ITGB3: variants seen among roughly 807,000 people sequenced by gnomAD.
The protein encoded by ITGB3 is integrin beta-3.
In ITGB3, 48 loss-of-function variants were observed where a neutral mutation model predicts 85.8. The ratio of observed to expected loss-of-function variants is 0.56; its 90% confidence interval spans 0.44 to 0.71. The LOEUF (loss-of-function observed/expected upper bound fraction) is 0.71. ITGB3 is among the 30% of genes least tolerant of loss of function. The probability of loss-of-function intolerance (pLI) is 0.00; values close to 1 mark genes in which losing one functional copy is unlikely to be tolerated. For synonymous variants in ITGB3, 363 were observed against 395.6 expected, an observed-to-expected ratio of 0.92 and a Z score of 0.98; for missense variants, 861 against 1,019.1, an observed-to-expected ratio of 0.84 and a Z score of 2.11.
intron 6 of ITGB3, among the ~76,000 whole-genome samples, chr17:47,289,013 C>T (rs2065115025): frequency 6.6e-6 from 1 of 152,124 alleles, no homozygotes; most frequent in Non-Finnish European, 1.5e-5. Flanking sequence ...AAGAAGGCCA[C>T]TCCAGGTGGG....
chr17:47,287,096 A>G lies in ITGB3; in HGVS notation c.804A>G (p.Ala268=). The change falls in exon 6 of 15, where the codon GCA becomes GCG. Residue 268 remains alanine, a synonymous_variant. Transcript: ENST00000559488. ...AAAAGATTGGCTGGAGGAATGATGC[A>G]TCCCACTTGCTGGTGTTTACCACTG... ...CDEKIGWRND[A]SHLLVFTTDA... The G allele has an allele frequency of 6.2e-7, 1 of 1,614,106 alleles. No individual in the cohort carries two copies. Among genetic ancestry groups the G allele is most frequent in the South Asian group, 1.1e-5 (1 of 91,084 alleles).
In ITGB3 at chr17:47,286,359, G is replaced by A; in HGVS notation, c.714G>A (p.Val238=). The A allele has an allele frequency of 6.2e-7, 1 of 1,614,250 alleles. No homozygotes were observed. The stretch of plus-strand genomic sequence containing the variant: ...ATGAGGAAGTGAAGAAGCAGAGTGT[G>A]TCACGGAACCGAGATGCCCCAGAGG... The part of the protein sequence containing the change: ...RFNEEVKKQS[V]SRNRDAPEGG... Residue 238 remains valine, a synonymous_variant, in exon 5 of 15, where the codon GTG becomes GTA. Coordinates refer to ENST00000559488, the MANE Select transcript of ITGB3 (RefSeq NM_000212.3).
At chr17:47,271,136 T>C (rs552511061) in intron 1 of ITGB3, among the ~76,000 whole-genome samples, 25 of 152,152 alleles carry the variant, frequency 1.6e-4, no homozygotes, top group Non-Finnish European at 3.1e-4. Context: ...ACATAAATTA[T>C]TATGATGTGG....
At position 47,302,777 on chromosome 17, in the gene ITGB3, G is replaced by A. The variant is rs534325095; in HGVS notation, c.2071G>A (p.Val691Ile). Residue 691 changes from valine (V) to isoleucine (I), a missense_variant, in exon 13 of 15, where the codon GTC becomes ATC. Coordinates refer to ENST00000559488, the MANE Select transcript of ITGB3 (RefSeq NM_000212.3). ...CTATAAGAATGAGGATGACTGTGTC[G>A]TCAGATTCCAGTACTATGAAGATTC... ...CTYKNEDDCV[V>I]RFQYYEDSSG... 42 of 1,614,004 alleles carry A rather than the reference G, an allele frequency of 2.6e-5. 1 individual carries two copies. The highest frequency in any genetic ancestry group is 1.3e-4 in the East Asian group (6 of 44,880).
intron 12 of ITGB3, among the ~76,000 whole-genome samples, chr17:47,301,798 A>T (rs1259336729): frequency 6.6e-6 from 1 of 152,178 alleles, no homozygotes; most frequent in Non-Finnish European, 1.5e-5. Context: ...TACTATTCTC[A>T]TCTTCATTTT....
chr17:47,296,358 G>A (rs553882067), intron 10 of ITGB3, among the ~76,000 whole-genome samples: 12 of 152,008 alleles, frequency 7.9e-5, no homozygotes, highest in Non-Finnish European at 1.5e-4. Context: ...CTTAGTCTCC[G>A]AAGTAGCTAG....
At chr17:47,267,944 C>T (rs984994261) in intron 1 of ITGB3, among the ~76,000 whole-genome samples, 2 of 152,182 alleles carry the variant, frequency 1.3e-5, no homozygotes, top group African/African-American at 2.4e-5. Context: ...TTAATTGACT[C>T]ACAGTTCAAC....
chr17:47,283,270 A>C, intron 2 of ITGB3, 84 bp from the exon 3 acceptor site: 1 of 1,296,384 alleles, frequency 7.7e-7, no homozygotes, highest in Non-Finnish European at 1.1e-6. Flanking sequence ...ACTCTTAGCT[A>C]TTGGGAAGTG....
In ITGB3 at chr17:47,308,187, T is replaced by A. The variant is rs901395139; in HGVS notation, c.2301+550T>A. Among the ~76,000 whole-genome samples, 16 of 148,056 alleles carry A rather than the reference T, an allele frequency of 1.1e-4. No homozygotes were observed. The South Asian group carries it at 1.3e-3, about 12-fold the overall frequency. On this transcript the variant is annotated intron_variant, in intron 14 of 14. Coordinates refer to ENST00000559488, the MANE Select transcript of ITGB3 (RefSeq NM_000212.3). ...ATAATAATAATAATAATAATAATAA[T>A]AAAATAAAATAAAAGGTTACTTCCA...
Position 47,298,954 on chromosome 17 carries a change from T to G in ITGB3, c.1691-354T>G, listed in dbSNP as rs556385816. 5.1e-4 allele frequency among the ~76,000 whole-genome samples: 78 copies of G among 152,326 alleles called. 1 individual carries two copies. In the Middle Eastern group the frequency reaches 0.014, roughly 27 times the overall value. On this transcript the variant is annotated intron_variant, in intron 10 of 14. Coordinates refer to ENST00000559488, the MANE Select transcript of ITGB3 (RefSeq NM_000212.3). ...GGGCTAAAGAGCTTGCTTCTAGTTC[T>G]TAGACTAGAAGGAACTAAGTCTTCT...
At chr17:47,287,979 C>T (rs2065109713) in intron 6 of ITGB3, among the ~76,000 whole-genome samples, 2 of 125,678 alleles carry the variant, frequency 1.6e-5, no homozygotes, top group Non-Finnish European at 3.1e-5. Flanking sequence ...AGCTGGAGTG[C>T]AGTAGTGCAA....
In ITGB3 at chr17:47,312,253, A is replaced by C. The variant is rs2065218255; in HGVS notation, c.*2049A>C. 6.6e-6 allele frequency among the ~76,000 whole-genome samples: 1 copy of C among 152,242 alleles called. No individual in the cohort carries two copies. Among genetic ancestry groups the C allele is most frequent in the Non-Finnish European group, 1.5e-5 (1 of 68,046 alleles). ...TTGCATCCACATATTAGGGAAGAGGAATCCATAAGTAGCTGAAATATCTAT... is the reference window on the plus strand; with the variant it reads ...TTGCATCCACATATTAGGGAAGAGGCATCCATAAGTAGCTGAAATATCTAT... On this transcript the variant is annotated 3_prime_UTR_variant, in exon 15 of 15. Coordinates refer to ENST00000559488, the MANE Select transcript of ITGB3 (RefSeq NM_000212.3).
At chr17:47,286,202 T>TC in intron 4 of ITGB3, 58 bp from the exon 5 acceptor site, 1 of 1,596,530 alleles carries the variant, frequency 6.3e-7, no homozygotes, top group Non-Finnish European at 8.6e-7. Context: ...TCCTCCCAAT[T>TC]CCCATGCTGC....
chr17:47,302,911 C>A lies in ITGB3; in HGVS notation c.2134+71C>A, dbSNP rs1347163745. 3 of 1,579,826 alleles carry A rather than the reference C, an allele frequency of 1.9e-6. No homozygotes were observed. The African/African-American group carries it at 4.0e-5, about 21-fold the overall frequency. ...GGAGAACCATGTTAGGCAGGAATCT[C>A]TACTCATCGAAGCTGTTAAGCAAAA... On this transcript the variant is annotated intron_variant, in intron 13 of 14. Transcript: ENST00000559488.
intron 13 of ITGB3, chr17:47,305,591 T>C (rs1188915329): frequency 2.0e-5 from 3 of 152,232 alleles, no homozygotes; most frequent in African/African-American, 7.2e-5. Context: ...GACATGCCTC[T>C]GTTTTAGTTG....
chr17:47,254,406 G>C (rs966990940), intron 1 of ITGB3, among the ~76,000 whole-genome samples: 1 of 152,224 alleles, frequency 6.6e-6, no homozygotes, highest in Non-Finnish European at 1.5e-5. Context: ...GCGCGGGTTT[G>C]CCAGTTTCCC....
At chr17:47,254,141 T>C (rs1437775165) in intron 1 of ITGB3, among the ~76,000 whole-genome samples, 1 of 151,946 alleles carries the variant, frequency 6.6e-6, no homozygotes. Flanking sequence ...AGGTGCCTGG[T>C]GCCTGGGAGC....
At chr17:47,274,078 A>G (rs944470214) in intron 1 of ITGB3, among the ~76,000 whole-genome samples, 28 of 152,066 alleles carry the variant, frequency 1.8e-4, no homozygotes, top group African/African-American at 6.5e-4. Context: ...CCCCGGAGAT[A>G]TTTTCATTTG....
chr17:47,292,888 A>G (rs1424614741), intron 10 of ITGB3, among the ~76,000 whole-genome samples: 1 of 152,198 alleles, frequency 6.6e-6, no homozygotes, highest in Non-Finnish European at 1.5e-5. Context: ...TATGCAAGAC[A>G]TTGGAGTGTG....
Sources: allele counts gnomAD v4.1 joint callset (sites outside exome capture counted in the v4.1 genomes callset), GRCh38; gene constraint gnomAD v4.1.1; transcripts MANE v1.5; gene names NCBI Gene and HGNC (gene_info 2026-07-23, HGNC 2026-07-21).